Variants in SCAI observed in about 807,000 individuals in gnomAD.
SCAI encodes suppressor of cancer cell invasion.
Under a neutral mutation model 92.2 loss-of-function variants are expected in SCAI, and 24 were observed. That is an observed-to-expected ratio of 0.26 (90% CI 0.19 to 0.37). The LOEUF is 0.37. Among genes scored for constraint, SCAI ranks in the 10% least tolerant of loss-of-function variants. SCAI has a pLI of 1.00. For synonymous variants in SCAI, 261 were observed against 258.6 expected (o/e 1.01, Z -0.09); for missense variants, 450 against 736.2 (o/e 0.61, Z 4.50).
At position 125,112,359 on chromosome 9, in the gene SCAI, C is replaced by A. The variant is rs149447648; in HGVS notation, c.98+30274G>T. 3.0e-3 allele frequency among the ~76,000 whole-genome samples: 463 copies of A among 152,074 alleles called. 1 individual carries two copies. Among genetic ancestry groups the A allele is most frequent in the Non-Finnish European group, 4.8e-3 (328 of 67,986 alleles). ...CTATCTACTCAAAGATAACCAGACA[C>A]GGAAAGAAGAAAATATAAGAAAAAT... On this transcript the variant is annotated intron_variant, in intron 2 of 17. Transcript: ENST00000336505.
chr9:125,035,508 G>C (rs1161520895), intron 3 of SCAI, among the ~76,000 whole-genome samples: 1 of 152,130 alleles, frequency 6.6e-6, no homozygotes, highest in African/African-American at 2.4e-5. Flanking sequence ...TTTGAAGTCA[G>C]ACTGGCTTGG....
At chr9:125,020,621 T>C (rs997935987) in intron 7 of SCAI, 52 bp downstream of exon 7, 9 of 753,866 alleles carry the variant, frequency 1.2e-5, no homozygotes, top group Admixed American at 5.8e-5. Context: ...AAAAATAAGA[T>C]CATCCATATA....
At chr9:125,105,725 A>G (rs1365383602) in intron 2 of SCAI, among the ~76,000 whole-genome samples, 1 of 152,144 alleles carries the variant, frequency 6.6e-6, no homozygotes, top group Non-Finnish European at 1.5e-5. Context: ...ACATTACTAT[A>G]TTTTATCTCC....
chr9:124,995,285 A>T (rs1832217047), intron 13 of SCAI, among the ~76,000 whole-genome samples: 1 of 152,230 alleles, frequency 6.6e-6, no homozygotes, highest in Admixed American at 6.5e-5. Flanking sequence ...CTAAACACAC[A>T]GCATGAAAAC....
chr9:125,132,812 C>CAA (rs1835431813), intron 2 of SCAI, among the ~76,000 whole-genome samples: 1 of 151,928 alleles, frequency 6.6e-6, no homozygotes, highest in Non-Finnish European at 1.5e-5. Flanking sequence ...ACTAAAAATA[C>CAA]AAATTAGCCA....
intron 3 of SCAI, 55 bp from the exon 4 acceptor site, chr9:125,029,794 T>A (rs1379863492): frequency 9.3e-7 from 1 of 1,074,472 alleles, no homozygotes; most frequent in Non-Finnish European, 1.4e-6. Context: ...TATTTGGAAA[T>A]TATGTCTTGT....
chr9:125,010,474 G>C (rs974303763), intron 9 of SCAI, among the ~76,000 whole-genome samples: 9 of 152,218 alleles, frequency 5.9e-5, no homozygotes, highest in African/African-American at 2.2e-4. Context: ...CAGCGAGGCT[G>C]GGGGAGGGGT....
intron 2 of SCAI, among the ~76,000 whole-genome samples, chr9:125,063,794 C>A (rs970141391): frequency 1.0e-4 from 15 of 150,690 alleles, no homozygotes; most frequent in African/African-American, 3.7e-4. Flanking sequence ...ACTCTTATCA[C>A]CCAGGCTGAA....
At chr9:125,069,901 C>T (rs755390063) in intron 2 of SCAI, among the ~76,000 whole-genome samples, 3 of 152,008 alleles carry the variant, frequency 2.0e-5, no homozygotes, top group Non-Finnish European at 2.9e-5. Context: ...AGGTTACAGG[C>T]GTGAGCCACC....
intron 3 of SCAI, among the ~76,000 whole-genome samples, chr9:125,052,389 G>A (rs1833577570): frequency 1.3e-5 from 2 of 152,032 alleles, no homozygotes; most frequent in South Asian, 4.1e-4. Context: ...TGGCCAACAT[G>A]GTGAAATCCC....
chr9:125,036,048 G>A (rs560024245), intron 3 of SCAI, among the ~76,000 whole-genome samples: 7 of 152,266 alleles, frequency 4.6e-5, no homozygotes, highest in East Asian at 3.9e-4. Flanking sequence ...TACTATGGGG[G>A]CTGAGGCGGG....
rs765717661 is a variant in SCAI, at chr9:125,006,133, A to C, written c.862-2563T>G. Among the ~76,000 whole-genome samples the C allele has an allele frequency of 2.0e-4, 31 of 152,334 alleles. 1 individual carries two copies. In the Middle Eastern group the frequency reaches 0.017, roughly 84 times the overall value. The stretch of plus-strand genomic sequence containing the variant: ...CTAGCTGACAGAATTACATCAAAGA[A>C]GACTCAGAAACAAAAATCATAAAAC... On this transcript the variant is annotated intron_variant, in intron 9 of 17. Coordinates refer to ENST00000336505, the MANE Select transcript of SCAI (RefSeq NM_001144877.3).
chr9:125,104,725 A>AGTT (rs1834741092), intron 2 of SCAI, among the ~76,000 whole-genome samples: 1 of 151,992 alleles, frequency 6.6e-6, no homozygotes, highest in South Asian at 2.1e-4. Flanking sequence ...AAGATGGTGA[A>AGTT]ACTCCATCTT....
At chr9:125,048,732 ATTT>A (rs1564392977) in intron 3 of SCAI, among the ~76,000 whole-genome samples, 12 of 151,710 alleles carry the variant, frequency 7.9e-5, no homozygotes, top group South Asian at 6.3e-4. Flanking sequence ...TTATTTATTT[ATTT>A]ATTTAATTTT....
rs1451574819 is a variant in SCAI at position 124,967,292 on chromosome 9, G to A, written c.1674+4078C>T. 2.0e-5 allele frequency among the ~76,000 whole-genome samples: 3 copies of A among 152,222 alleles called. No homozygotes were observed. The South Asian group carries it at 6.2e-4, about 32-fold the overall frequency. On this transcript the variant is annotated intron_variant, in intron 17 of 17. Coordinates refer to ENST00000336505, the MANE Select transcript of SCAI (RefSeq NM_001144877.3). ...CCTCATCTACCCAATGGGAATTAGA[G>A]CTAGCCTGTTAGGCTGCTTGACAGG...
chr9:125,026,110 C>T (rs778479704), intron 6 of SCAI, among the ~76,000 whole-genome samples: 8 of 152,284 alleles, frequency 5.3e-5, no homozygotes, highest in African/African-American at 9.6e-5. Context: ...GTGGCTCACG[C>T]CTGTAATCCC....
intron 17 of SCAI, among the ~76,000 whole-genome samples, chr9:124,962,397 G>A (rs770001664): frequency 2.0e-5 from 3 of 152,054 alleles, no homozygotes; most frequent in Non-Finnish European, 4.4e-5. Flanking sequence ...TTGACCTAAG[G>A]TGACCAACCC....
At chr9:125,061,615 C>T (rs1201216704) in intron 2 of SCAI, among the ~76,000 whole-genome samples, 2 of 152,028 alleles carry the variant, frequency 1.3e-5, no homozygotes, top group Non-Finnish European at 2.9e-5. Flanking sequence ...CAAAAGCTAG[C>T]CAGGCATGGT....
At chr9:125,102,850 G>C (rs1332493544) in intron 2 of SCAI, among the ~76,000 whole-genome samples, 1 of 151,708 alleles carries the variant, frequency 6.6e-6, no homozygotes, top group African/African-American at 2.4e-5. Context: ...CACCCACCCC[G>C]GCCTCCCAAA....
Sources: gnomAD v4.1 joint callset for allele counts (sites outside exome capture counted in the v4.1 genomes callset) on GRCh38, gnomAD v4.1.1 for gene constraint, MANE v1.5 for transcripts, NCBI Gene and HGNC (gene_info 2026-07-23, HGNC 2026-07-21) for gene names.